GAD2: variants seen among roughly 807,000 people sequenced by gnomAD.
GAD2 encodes the protein glutamate decarboxylase 2, also known as 65 kDa glutamic acid decarboxylase.
GAD2 carries 22 observed loss-of-function variants against 80.1 expected under a neutral mutation model. The ratio of observed to expected loss-of-function variants is 0.27; its 90% CI spans 0.20 to 0.39. The LOEUF is 0.39. Ranked by LOEUF, GAD2 falls within the 10% of genes least tolerant of loss-of-function variation. GAD2 has a pLI of 1.00. For missense variants in GAD2, 624 were observed against 738.4 expected (o/e 0.85, Z 1.80); for synonymous variants, 274 against 256.9 (o/e 1.07, Z -0.64).
intron 11 of GAD2, among the ~76,000 whole-genome samples, chr10:26,275,793 G>A (rs958372241): frequency 6.6e-6 from 1 of 152,178 alleles, no homozygotes; most frequent in South Asian, 2.1e-4. Context: ...GAAGAAATCC[G>A]TAGTCAATTC....
At chr10:26,240,470 T>C (rs957659977) in intron 7 of GAD2, among the ~76,000 whole-genome samples, 4 of 152,180 alleles carry the variant, frequency 2.6e-5, no homozygotes, top group African/African-American at 7.2e-5. Flanking sequence ...ATTTTTTTAA[T>C]AGAGAAATTA....
Position 26,281,424 on chromosome 10 carries a change from T to G in GAD2, c.1236+337T>G, listed in dbSNP as rs543191238. ...AAATTAAATTTCCAGGTTTTTTTTC[T>G]GGAATCTGAGAGGAGATCATTTTTC... On this transcript the variant is annotated intron_variant, in intron 12 of 15. Transcript: ENST00000376261. 2.6e-5 allele frequency among the ~76,000 whole-genome samples: 4 copies of G among 152,306 alleles called. No homozygotes were observed. The South Asian group carries it at 8.3e-4, about 32-fold the overall frequency.
In GAD2 at chr10:26,277,100, G is replaced by A. The variant is rs538090033; in HGVS notation, c.1157+3400G>A. 5.3e-5 allele frequency among the ~76,000 whole-genome samples: 8 copies of A among 152,312 alleles called. No homozygotes were observed. The South Asian group carries it at 8.3e-4, about 16-fold the overall frequency. On this transcript the variant is annotated intron_variant, in intron 11 of 15. Transcript: ENST00000376261. ...GAATGTTTCCTTCTGTGATTACAGG[G>A]AGCTTTCACCAAGCAGGGCAACATT...
At position 26,280,963 on chromosome 10, in the gene GAD2, C is replaced by G. The variant is rs8190749; in HGVS notation, c.1158-46C>G. ...AAGCTCAGTTGCGCATGCCCTGAGCCTGTCAGGGTGGAGTGCCACCCGCTT... is the reference window on the plus strand; with the variant it reads ...AAGCTCAGTTGCGCATGCCCTGAGCGTGTCAGGGTGGAGTGCCACCCGCTT... On this transcript the variant is annotated intron_variant, in intron 11 of 15. Transcript: ENST00000376261. 2.3e-4 allele frequency: 314 copies of G among 1,350,970 alleles called. No homozygotes were observed. The African/African-American group carries it at 2.5e-3, about 11-fold the overall frequency. 83.7% of individuals were successfully genotyped at this position (1,350,970 alleles called of 1,614,324 possible).
chr10:26,229,561 AGTCCAAGG>A, intron 6 of GAD2, 93 bp from the exon 7 acceptor site: 1 of 769,062 alleles, frequency 1.3e-6, no homozygotes, highest in South Asian at 1.7e-5. Flanking sequence ...TTTTCTTCTG[AGTCCAAGG>A]AGGACTCAGG....
chr10:26,284,983 G>A (rs1164662251), intron 12 of GAD2, among the ~76,000 whole-genome samples: 3 of 152,138 alleles, frequency 2.0e-5, no homozygotes, highest in African/African-American at 7.2e-5. Flanking sequence ...TAGTATTGAT[G>A]GCACGAAGGT....
intron 7 of GAD2, among the ~76,000 whole-genome samples, chr10:26,244,589 A>T (rs1844782468): frequency 6.6e-6 from 1 of 152,242 alleles, no homozygotes; most frequent in Admixed American, 6.5e-5. Context: ...TACAACATGG[A>T]TGAACCTTGA....
intron 8 of GAD2, among the ~76,000 whole-genome samples, chr10:26,257,665 C>T (rs1421401412): frequency 6.6e-6 from 1 of 152,164 alleles, no homozygotes; most frequent in African/African-American, 2.4e-5. Context: ...GCTACTAGTA[C>T]ATTTATATAC....
Position 26,300,956 on chromosome 10 carries a change from T to A in GAD2, c.1753T>A (p.Leu585Ile). The stretch of plus-strand genomic sequence containing the variant: ...AGAAATAGAACGCCTTGGACAAGAT[T>A]TATAATAACCTTGCTCACCAAGCTG... Reference protein sequence around the residue: ...IEEIERLGQDL With the variant: ...IEEIERLGQDI The change falls in exon 16 of 16, where the codon TTA (leucine) becomes ATA (isoleucine). Residue 585 changes from leucine (L) to isoleucine (I), a missense_variant. Physicochemically the swap from Leu to Ile is conservative, Grantham distance 5. Coordinates refer to ENST00000376261, the MANE Select transcript of GAD2 (RefSeq NM_001134366.2). The A allele has an allele frequency of 6.2e-7, 1 of 1,613,348 alleles. No homozygotes were observed. The highest frequency in any genetic ancestry group is 8.5e-7 in the Non-Finnish European group (1 of 1,179,424).
intron 8 of GAD2, among the ~76,000 whole-genome samples, chr10:26,252,290 T>C (rs1844888830): frequency 6.6e-6 from 1 of 152,154 alleles, no homozygotes; most frequent in South Asian, 2.1e-4. Flanking sequence ...TGTGTCTTTC[T>C]AGCAATAAGC....
intron 11 of GAD2, among the ~76,000 whole-genome samples, chr10:26,279,052 C>T (rs1845243399): frequency 6.6e-6 from 1 of 152,030 alleles, no homozygotes; most frequent in Admixed American, 6.6e-5. Context: ...ACTTTCCTTC[C>T]TCCTTTATGC....
intron 14 of GAD2, 122 bp from the exon 15 acceptor site, chr10:26,292,780 A>G (rs1236998780): frequency 2.2e-6 from 2 of 919,054 alleles, no homozygotes; most frequent in African/African-American, 3.3e-5. Context: ...TCCAATGGCA[A>G]TTCCTGATTG....
At chr10:26,297,464 CT>C (rs1205231010) in intron 15 of GAD2, among the ~76,000 whole-genome samples, 1 of 152,156 alleles carries the variant, frequency 6.6e-6, no homozygotes, top group Non-Finnish European at 1.5e-5. Flanking sequence ...ACTGAAAAAG[CT>C]AATGGCACAA....
chr10:26,236,459 C>T (rs1844673615), intron 7 of GAD2, among the ~76,000 whole-genome samples: 1 of 152,106 alleles, frequency 6.6e-6, no homozygotes, highest in Non-Finnish European at 1.5e-5. Context: ...CACCACCACA[C>T]CCGGCTAAGT....
rs1834331418 is a variant in GAD2 at position 26,301,681 on chromosome 10, G to A, written c.*720G>A. On this transcript the variant is annotated 3_prime_UTR_variant, in exon 16 of 16. Coordinates refer to ENST00000376261, the MANE Select transcript of GAD2 (RefSeq NM_001134366.2). ...TATTGCTTCTTTCTATACATGTTATGGCTTATCACATCTCTAAAGTTAGTA... is the reference window on the plus strand; with the variant it reads ...TATTGCTTCTTTCTATACATGTTATAGCTTATCACATCTCTAAAGTTAGTA... 6.6e-6 allele frequency: 1 copy of A among 152,008 alleles called. No homozygotes were observed. 9.4% of individuals were successfully genotyped at this position (152,008 alleles called of 1,614,324 possible).
chr10:26,218,539 T>TCTCTCG (rs1206139376), intron 3 of GAD2, among the ~76,000 whole-genome samples: 10 of 88,250 alleles, frequency 1.1e-4, no homozygotes, highest in African/African-American at 3.4e-4. Flanking sequence ...GCATACGCTC[T>TCTCTCG]CTCTCTCTCT....
At chr10:26,252,485 G>C (rs1844891057) in intron 8 of GAD2, among the ~76,000 whole-genome samples, 1 of 151,994 alleles carries the variant, frequency 6.6e-6, no homozygotes, top group Admixed American at 6.6e-5. Context: ...TGGAATTACA[G>C]GTGTGTGCCA....
intron 8 of GAD2, among the ~76,000 whole-genome samples, chr10:26,248,838 T>C (rs1844842872): frequency 6.6e-6 from 1 of 152,190 alleles, no homozygotes; most frequent in Admixed American, 6.5e-5. Flanking sequence ...TTTTTTCTTT[T>C]GGGGCAAGGA....
At chr10:26,247,895 C>CAAAA (rs11407523) in intron 8 of GAD2, among the ~76,000 whole-genome samples, 1 of 46,306 alleles carries the variant, frequency 2.2e-5, no homozygotes, top group Non-Finnish European at 4.6e-5. Context: ...GACTCCATCT[C>CAAAA]AAAAAAAAAA....
Sources: allele counts gnomAD v4.1 joint callset (sites outside exome capture counted in the v4.1 genomes callset), GRCh38; gene constraint gnomAD v4.1.1; transcripts MANE v1.5; gene names NCBI Gene and HGNC (gene_info 2026-07-23, HGNC 2026-07-21).